CCN4: variants seen among roughly 807,000 people sequenced by gnomAD.
CCN4 encodes the protein CCN family member 4.
Under a neutral mutation model 36.7 loss-of-function variants are expected in CCN4, and 30 were observed. The ratio of observed to expected loss-of-function variants is 0.82; its 90% CI spans 0.61 to 1.11. The LOEUF is 1.11. Ranked by LOEUF, CCN4 falls within the 50% of genes least tolerant of loss-of-function variation. CCN4 has a pLI of 0.00. For missense variants in CCN4, 505 were observed against 504.9 expected (o/e 1.00, Z 0.00); for synonymous variants, 191 against 195.4 (o/e 0.98, Z 0.19).
At chr8:133,218,554 A>G (rs1854410275) in intron 2 of CCN4, among the ~76,000 whole-genome samples, 1 of 152,238 alleles carries the variant, frequency 6.6e-6, no homozygotes, top group Non-Finnish European at 1.5e-5. Flanking sequence ...ATCCAATAAC[A>G]GAGACAGTAC....
rs983689430 is a variant in CCN4, at chr8:133,220,904, A to C, written c.610+63A>C. The C allele has an allele frequency of 2.1e-5, 32 of 1,531,068 alleles. No individual in the cohort carries two copies. The African/African-American group carries it at 3.4e-4, about 16-fold the overall frequency. The allele number at this position is 1,531,068 out of a possible 1,614,324, so 94.8% of individuals were successfully genotyped here. A position where few individuals can be genotyped will look rare whatever the true frequency, so the allele number is the denominator to read the frequency against. ...ACAAATGGGTTGTGGACCCTCCTGG[A>C]ACTCTGACCACCATAGAATGACTCA... On this transcript the variant is annotated intron_variant, in intron 3 of 4. Coordinates refer to ENST00000250160, the MANE Select transcript of CCN4 (RefSeq NM_003882.4).
chr8:133,227,881 G>A lies in CCN4; in HGVS notation c.*171G>A, dbSNP rs778039106. ...GCCTGATGGTGCTGCTCAGGCCCAT[G>A]CTATGAGTTTTCTCCTTGATATCAT... On this transcript the variant is annotated 3_prime_UTR_variant, in exon 5 of 5. Transcript: ENST00000250160. 7 of 721,522 alleles carry A rather than the reference G, an allele frequency of 9.7e-6. No individual in the cohort carries two copies. The highest frequency in any genetic ancestry group is 1.5e-5 in the Non-Finnish European group (7 of 452,334). The allele number at this position is 721,522 out of a possible 1,614,324, so 44.7% of individuals were successfully genotyped here.
At chr8:133,220,973 C>A in intron 3 of CCN4, 132 bp downstream of exon 3, 1 of 1,233,460 alleles carries the variant, frequency 8.1e-7, no homozygotes, top group Non-Finnish European at 1.1e-6. Flanking sequence ...TTGAGAAAGT[C>A]ATACCTCCCC....
intron 2 of CCN4, among the ~76,000 whole-genome samples, chr8:133,213,804 A>T (rs1854159491): frequency 6.8e-6 from 1 of 146,314 alleles, no homozygotes; most frequent in Admixed American, 6.9e-5. Flanking sequence ...GGGGAAATAT[A>T]CTACATATAC....
In CCN4 at chr8:133,213,143, C is replaced by T. The variant is rs980801009; in HGVS notation, c.349C>T (p.Gln117Ter). The stretch of plus-strand genomic sequence containing the variant: ...GAGGTACGCAATAGGAGTGTGTGCA[C>T]GTAAGTGAGTCCTCCATACCTTCTG... ...RPRYAIGVCA[Q>*]VVGVGCVLDG... The change falls in exon 2 of 5, where the codon CAG becomes TAG. Residue 117 changes from glutamine (Q) to a stop codon, truncating the protein, a stop_gained and splice_region_variant. Coordinates refer to ENST00000250160, the MANE Select transcript of CCN4 (RefSeq NM_003882.4). LOFTEE classifies it high-confidence loss of function. The T allele has an allele frequency of 6.8e-7, 1 of 1,459,898 alleles. No individual in the cohort carries two copies. Among genetic ancestry groups the T allele is most frequent in the Non-Finnish European group, 9.0e-7 (1 of 1,106,516 alleles). The allele number at this position is 1,459,898 out of a possible 1,614,324, so 90.4% of individuals were successfully genotyped here.
intron 1 of CCN4, among the ~76,000 whole-genome samples, chr8:133,200,227 A>G (rs549064721): frequency 6.6e-6 from 1 of 152,278 alleles, no homozygotes; most frequent in South Asian, 2.1e-4. Context: ...GCCCACAGTG[A>G]TCCCTTCATC....
At chr8:133,191,286 G>C (rs1413343436) in intron 1 of CCN4, 73 bp downstream of exon 1, 2 of 1,502,616 alleles carry the variant, frequency 1.3e-6, no homozygotes. Flanking sequence ...CATGGGGGCT[G>C]GTGGGCAGGA....
At position 133,222,844 on chromosome 8, in the gene CCN4, G is replaced by A. The variant is rs558056664; in HGVS notation, c.610+2003G>A. On this transcript the variant is annotated intron_variant, in intron 3 of 4. Coordinates refer to ENST00000250160, the MANE Select transcript of CCN4 (RefSeq NM_003882.4). ...TATATGCTAAAGATTGCTCAGGGAC[G>A]GTGTGGGGCAGGTTTCTCAAGCTCG... Among the ~76,000 whole-genome samples the A allele has an allele frequency of 6.6e-5, 10 of 151,944 alleles. No individual in the cohort carries two copies. In the South Asian group the frequency reaches 1.0e-3, roughly 16 times the overall value.
intron 1 of CCN4, among the ~76,000 whole-genome samples, chr8:133,202,049 T>G (rs924796266): frequency 2.6e-5 from 4 of 152,200 alleles, no homozygotes; most frequent in Non-Finnish European, 5.9e-5. Flanking sequence ...ATTCAGTGTT[T>G]TTTGTTGTGG....
At chr8:133,213,726 T>C (rs1854154916) in intron 2 of CCN4, among the ~76,000 whole-genome samples, 1 of 147,370 alleles carries the variant, frequency 6.8e-6, no homozygotes, top group African/African-American at 2.5e-5. Context: ...TATAGAAATA[T>C]AATATAAAGA....
intron 3 of CCN4, among the ~76,000 whole-genome samples, chr8:133,225,008 C>G (rs1363421996): frequency 1.3e-5 from 2 of 151,910 alleles, no homozygotes; most frequent in Admixed American, 1.3e-4. Flanking sequence ...AAATCTAGGC[C>G]TTATTATTGT....
At position 133,220,719 on chromosome 8, in the gene CCN4, C is replaced by T. The variant is rs376645058; in HGVS notation, c.488C>T (p.Pro163Leu). The change falls in exon 3 of 5, where the codon CCG (proline) becomes CTG (leucine). Residue 163 changes from proline (P) to leucine (L), a missense_variant. Coordinates refer to ENST00000250160, the MANE Select transcript of CCN4 (RefSeq NM_003882.4). ...CCACTGTGCCTCCGAGTGCGCCCCC[C>T]GCGTCTCTGGTGCCCCCACCCGCGG... ...CTPLCLRVRP[P>L]RLWCPHPRRV... The T allele has an allele frequency of 8.9e-5, 144 of 1,613,700 alleles. No homozygotes were observed. The highest frequency in any genetic ancestry group is 1.0e-4 in the Non-Finnish European group (120 of 1,179,932).
rs142041269 is a variant in CCN4, at chr8:133,212,359, G to A, written c.70-505G>A. On this transcript the variant is annotated intron_variant, in intron 1 of 4. Coordinates refer to ENST00000250160, the MANE Select transcript of CCN4 (RefSeq NM_003882.4). ...GGGAAAAAAATAATAATAGGTCAGC[G>A]GGCCGAAACCGGTATTAAGTAGGAG... 9.0e-3 allele frequency among the ~76,000 whole-genome samples: 1,368 copies of A among 152,034 alleles called. 17 individuals are homozygous for A. The highest frequency in any genetic ancestry group is 0.031 in the African/African-American group (1,294 of 41,488).
chr8:133,225,265 G>A, intron 3 of CCN4, 125 bp from the exon 4 acceptor site: 1 of 955,436 alleles, frequency 1.0e-6, no homozygotes. Flanking sequence ...CTGTCCTGTG[G>A]GGAGGTACAG....
chr8:133,194,426 T>C (rs1195499160), intron 1 of CCN4, among the ~76,000 whole-genome samples: 7 of 81,748 alleles, frequency 8.6e-5, no homozygotes, highest in African/African-American at 4.2e-4. Flanking sequence ...GTGGTGTGTG[T>C]GTGGTATGTG....
intron 1 of CCN4, among the ~76,000 whole-genome samples, chr8:133,199,420 A>T (rs1325256977): frequency 6.6e-6 from 1 of 152,156 alleles, no homozygotes; most frequent in Admixed American, 6.5e-5. Flanking sequence ...TCAGTTTCTC[A>T]TCTGTAAAAT....
At chr8:133,193,785 G>T (rs1264934426) in intron 1 of CCN4, among the ~76,000 whole-genome samples, 2 of 152,208 alleles carry the variant, frequency 1.3e-5, no homozygotes, top group African/African-American at 4.8e-5. Context: ...TTTGAACCTT[G>T]GTCCAGCTCT....
intron 1 of CCN4, 102 bp downstream of exon 1, chr8:133,191,315 T>C: frequency 2.9e-6 from 4 of 1,374,984 alleles, no homozygotes; most frequent in South Asian, 1.4e-5. Context: ...GCCAGGAAGG[T>C]TTGGGGCTGG....
intron 1 of CCN4, among the ~76,000 whole-genome samples, chr8:133,198,285 C>G (rs1233833766): frequency 6.6e-6 from 1 of 152,190 alleles, no homozygotes; most frequent in Non-Finnish European, 1.5e-5. Flanking sequence ...TGCTTTGTCC[C>G]TCTTACAGTG....
Sources: gnomAD v4.1 joint callset for allele counts (sites outside exome capture counted in the v4.1 genomes callset) on GRCh38, gnomAD v4.1.1 for gene constraint, MANE v1.5 for transcripts, NCBI Gene and HGNC (gene_info 2026-07-23, HGNC 2026-07-21) for gene names.